The following PLCH2 variants were observed in gnomAD, a reference collection of about 807,000 sequenced individuals.
PLCH2 encodes phospholipase C eta 2, also known as 1-phosphatidylinositol 4,5-bisphosphate phosphodiesterase eta-2.
Under a neutral mutation model 134.7 loss-of-function variants are expected in PLCH2, and 98 were observed. The ratio of observed to expected loss-of-function variants is 0.73; its 90% CI spans 0.62 to 0.86. The LOEUF (loss-of-function observed/expected upper bound fraction) is 0.86. Among genes scored for constraint, PLCH2 ranks in the 40% least tolerant of loss-of-function variants. The pLI is 0.00. For missense variants in PLCH2, 1,994 were observed against 1,986.6 expected, an observed-to-expected ratio of 1.00 and a Z score of -0.07; for synonymous variants, 974 against 827.5, an observed-to-expected ratio of 1.18 and a Z score of -3.04.
At chr1:2,459,718 G>A (rs931213448) in intron 2 of PLCH2, among the ~76,000 whole-genome samples, 3 of 152,026 alleles carry the variant, frequency 2.0e-5, no homozygotes, top group Non-Finnish European at 4.4e-5. Context: ...CCTTTCCGGT[G>A]GTCCTCCTTG....
intron 1 of PLCH2, among the ~76,000 whole-genome samples, chr1:2,469,033 CAG>C (rs1194042150): frequency 5.9e-5 from 9 of 152,216 alleles, no homozygotes; most frequent in African/African-American, 1.9e-4. Flanking sequence ...GGCTGCTGGG[CAG>C]ACACTGTTTG....
At chr1:2,486,531 G>T (rs1429076299) in intron 5 of PLCH2, among the ~76,000 whole-genome samples, 3 of 152,226 alleles carry the variant, frequency 2.0e-5, no homozygotes, top group Non-Finnish European at 2.9e-5. Context: ...GGGAGGGGCT[G>T]GATGAGGGGG....
intron 15 of PLCH2, among the ~76,000 whole-genome samples, 157 bp from the exon 16 acceptor site, chr1:2,497,345 T>C (rs1225423567): frequency 3.3e-5 from 5 of 152,082 alleles, no homozygotes; most frequent in Admixed American, 1.3e-4. Context: ...CCTGCACAGG[T>C]GTGAACCTTG....
intron 2 of PLCH2, among the ~76,000 whole-genome samples, chr1:2,453,476 A>C (rs1196229383): frequency 6.6e-6 from 1 of 152,156 alleles, no homozygotes. Context: ...GAAGGGGGCC[A>C]CTGGCCCCGG....
chr1:2,483,315 A>G (rs957446779), intron 4 of PLCH2, among the ~76,000 whole-genome samples: 157 of 152,276 alleles, frequency 1.0e-3, no homozygotes, highest in Middle Eastern at 3.4e-3. Context: ...CTCTGGCCAC[A>G]TCCTCAGTGG....
chr1:2,503,366 G>C (rs1227181684), intron 21 of PLCH2: 3 of 584,240 alleles, frequency 5.1e-6, no homozygotes, highest in African/African-American at 3.7e-5. Context: ...TGGGAAGTCT[G>C]ATGTGGGCAG....
intron 8 of PLCH2, 108 bp downstream of exon 8, chr1:2,487,826 C>G (rs1317692760): frequency 9.2e-7 from 1 of 1,086,350 alleles, no homozygotes; most frequent in Non-Finnish European, 1.3e-6. Context: ...GGAGCAGTGA[C>G]TGTGGTGACC....
the PLCH2 span, among the ~76,000 whole-genome samples, chr1:2,419,368 G>T: frequency 6.6e-6 from 1 of 152,178 alleles, no homozygotes; most frequent in African/African-American, 2.4e-5. Flanking sequence ...GGTCCTATTT[G>T]CTGGTCCTTG....
At chr1:2,462,447 C>A (rs72644632) in intron 2 of PLCH2, among the ~76,000 whole-genome samples, 1,507 of 147,968 alleles carry the variant, frequency 0.01, 13 homozygotes, top group East Asian at 0.034. Flanking sequence ...CTGCCTGACA[C>A]CCCTCCATCT....
intron 6 of PLCH2, 72 bp from the exon 7 acceptor site, chr1:2,487,101 C>A: frequency 6.7e-7 from 1 of 1,497,832 alleles, no homozygotes; most frequent in Non-Finnish European, 9.1e-7. Flanking sequence ...TTCTGTGTGG[C>A]ATGGGGGCAG....
At chr1:2,433,314 G>T (rs967657516) in intron 2 of PLCH2, among the ~76,000 whole-genome samples, 4 of 152,222 alleles carry the variant, frequency 2.6e-5, no homozygotes, top group Non-Finnish European at 5.9e-5. Flanking sequence ...ACCTGGGGCT[G>T]CTGGTGGCCT....
At chr1:2,417,064 G>A in the PLCH2 span, among the ~76,000 whole-genome samples, 1 of 152,212 alleles carries the variant, frequency 6.6e-6, no homozygotes, top group African/African-American at 2.4e-5. Context: ...TGGCCAGAGA[G>A]GCCATGCCTG....
At chr1:2,434,112 G>A (rs1338445784) in intron 2 of PLCH2, among the ~76,000 whole-genome samples, 1 of 152,254 alleles carries the variant, frequency 6.6e-6, no homozygotes, top group African/African-American at 2.4e-5. Context: ...GGTCTCCCTG[G>A]GTGGCGTTTG....
Position 2,495,529 on chromosome 1 carries a change from G to A in PLCH2, c.1794G>A (p.Glu598=), listed in dbSNP as rs776532978. Residue 598 remains glutamate, a synonymous_variant, in exon 13 of 22, where the codon GAG becomes GAA. Coordinates refer to ENST00000378486, the MANE Select transcript of PLCH2 (RefSeq NM_014638.4). ...SKLKKAASVE[E]GDEGQDSPGG... ...TGAAGAAGGCGGCCAGCGTGGAGGA[G>A]GGAGATGAGGGTCAGGACTCCCCGG... 1 of 1,551,966 alleles carries A rather than the reference G, an allele frequency of 6.4e-7. No homozygotes were observed. Among genetic ancestry groups the A allele is most frequent in the South Asian group, 1.2e-5 (1 of 84,016 alleles).
the PLCH2 span, among the ~76,000 whole-genome samples, chr1:2,419,910 G>C: frequency 8.8e-3 from 1,339 of 152,114 alleles, 13 homozygotes; most frequent in African/African-American, 0.031. Flanking sequence ...TGCTGCACCT[G>C]CTGCCCGTAG....
upstream of PLCH2, among the ~76,000 whole-genome samples, chr1:2,464,060 G>A (rs1352109408): frequency 3.3e-5 from 5 of 152,238 alleles, no homozygotes; most frequent in South Asian, 6.2e-4. Flanking sequence ...GCTTCTGTGC[G>A]GTGGGATCGC....
At chr1:2,489,888 A>T in intron 10 of PLCH2, 21 bp downstream of exon 10, 1 of 1,544,680 alleles carries the variant, frequency 6.5e-7, no homozygotes, top group Non-Finnish European at 9.0e-7. Flanking sequence ...CTGGAGGTGG[A>T]GGGGGGCGCG....
At position 2,478,637 on chromosome 1, in the gene PLCH2, TG is replaced by T. The variant is rs991028933; in HGVS notation, c.271+19del. On this transcript the variant is annotated intron_variant, in intron 2 of 21. Coordinates refer to ENST00000378486, the MANE Select transcript of PLCH2 (RefSeq NM_014638.4). ...GAAGGCCAAGAGTGAGTGGGAGCCC[TG>T]GGGTGGGGACAAATCAGAGTCCCTG... The T allele has an allele frequency of 5.6e-6, 9 of 1,598,824 alleles. No individual in the cohort carries two copies. In the African/African-American group the frequency reaches 9.4e-5, roughly 17 times the overall value.
intron 5 of PLCH2, 42 bp downstream of exon 5, chr1:2,484,660 C>T: frequency 1.9e-6 from 3 of 1,595,836 alleles, no homozygotes; most frequent in South Asian, 2.2e-5. Context: ...AGCCATCAGG[C>T]CTCGCCTTCT....
Sources: gnomAD v4.1 joint callset for allele counts (sites outside exome capture counted in the v4.1 genomes callset) on GRCh38, gnomAD v4.1.1 for gene constraint, MANE v1.5 for transcripts, NCBI Gene and HGNC (gene_info 2026-07-23, HGNC 2026-07-21) for gene names.